PRKCSH: variants seen among roughly 807,000 people sequenced by gnomAD.
The protein encoded by PRKCSH is PRKCSH beta subunit of glucosidase II.
In PRKCSH, 42 loss-of-function variants were observed where a neutral mutation model predicts 79.7. The observed-to-expected ratio is 0.53, with a 90% CI of 0.41 to 0.68. The LOEUF is 0.68. Ranked by LOEUF, PRKCSH falls within the 30% of genes least tolerant of loss-of-function variation. The pLI is 0.00. For missense variants in PRKCSH, 686 were observed against 709.0 expected (o/e 0.97, Z 0.37); for synonymous variants, 325 against 288.2 (o/e 1.13, Z -1.29).
In PRKCSH at chr19:11,449,121, C is replaced by T. The variant is rs937936873; in HGVS notation, c.1407C>T (p.Ala469=). Reference sequence around the variant, plus strand: ...GCCCCGACCACGACAAGTTCAGTGCCATGAAGTATGAGCAAGGCACGGGCT... The same window carrying T: ...GCCCCGACCACGACAAGTTCAGTGCTATGAAGTATGAGCAAGGCACGGGCT... The part of the protein sequence containing the change: ...WIGPDHDKFS[A]MKYEQGTGCW... The change falls in exon 16 of 18, where the codon GCC becomes GCT. Residue 469 remains alanine (A), a synonymous_variant. Transcript: ENST00000677123. The surrounding 1 kb of genome is among the most constrained non-coding windows in gnomAD (Gnocchi z 6.4). 3 of 1,613,910 alleles carry T rather than the reference C, an allele frequency of 1.9e-6. No homozygotes were observed. The Admixed American group carries it at 5.0e-5, about 27-fold the overall frequency.
chr19:11,446,797 G>C (rs943383307), intron 9 of PRKCSH, among the ~76,000 whole-genome samples: 14 of 151,980 alleles, frequency 9.2e-5, no homozygotes, highest in African/African-American at 3.4e-4. Context: ...CTGGTCCTGG[G>C]CTCTCTCTTC....
rs1483068472 is a variant in PRKCSH at position 11,449,326 on chromosome 19, G to A, written c.1522G>A (p.Glu508Lys). 7.4e-6 allele frequency: 12 copies of A among 1,613,598 alleles called. No homozygotes were observed. The East Asian group carries it at 1.1e-4, about 15-fold the overall frequency. Residue 508 changes from glutamate to lysine, a missense_variant, in exon 17 of 18, where the codon GAG becomes AAG. Physicochemically the swap from Glu to Lys is moderately conservative, Grantham distance 56. Coordinates refer to ENST00000677123, the MANE Select transcript of PRKCSH (RefSeq NM_001289104.2). This position sits in a 1 kb window ranked among gnomAD's most constrained non-coding sequence, Gnocchi z 6.4. ...CAGCACCACAGAGCCCAGTCGCTGCGAGTACCTCATGGAGCTGATGACGCC... is the reference window on the plus strand; with the variant it reads ...CAGCACCACAGAGCCCAGTCGCTGCAAGTACCTCATGGAGCTGATGACGCC... ...VTSTTEPSRC[E>K]YLMELMTPAA...
Position 11,436,512 on chromosome 19 carries a change from C to G in PRKCSH, c.196+7C>G. The G allele has an allele frequency of 6.3e-7, 1 of 1,598,772 alleles. No homozygotes were observed. Among genetic ancestry groups the G allele is most frequent in the South Asian group, 1.1e-5 (1 of 90,400 alleles). On this transcript the variant is annotated splice_region_variant and intron_variant, in intron 3 of 17. Coordinates refer to ENST00000677123, the MANE Select transcript of PRKCSH (RefSeq NM_001289104.2). ...GATGGCTCTGACGAGCCAGGTGAGC[C>G]TTTTCTCTGTTCATCCATCAGATGT...
Position 11,448,789 on chromosome 19 carries a change from T to G in PRKCSH, c.1287-125T>G. ...GGGGAGCAGAAGCCAGGGGCCAGGTTTAGGGTTGGTCATTGGAGTTGGAGG... is the reference window on the plus strand; with the variant it reads ...GGGGAGCAGAAGCCAGGGGCCAGGTGTAGGGTTGGTCATTGGAGTTGGAGG... On this transcript the variant is annotated intron_variant, in intron 14 of 17. Transcript: ENST00000677123. This position sits in a 1 kb window ranked among gnomAD's most constrained non-coding sequence, Gnocchi z 4.4. 7.2e-7 allele frequency: 1 copy of G among 1,380,764 alleles called. No homozygotes were observed. Among genetic ancestry groups the G allele is most frequent in the Non-Finnish European group, 1.0e-6 (1 of 972,290 alleles). 85.5% of individuals were successfully genotyped at this position (1,380,764 alleles called of 1,614,324 possible).
At chr19:11,446,959 A>G (rs1197330982) in intron 9 of PRKCSH, 115 bp from the exon 10 acceptor site, 8 of 1,133,294 alleles carry the variant, frequency 7.1e-6, no homozygotes, top group Non-Finnish European at 1.1e-5. Context: ...TGGCCTGGTC[A>G]TCAGGGCCCG....
At position 11,440,360 on chromosome 19, in the gene PRKCSH, G is replaced by A. The variant is rs1327121704; in HGVS notation, c.351-880G>A. Among the ~76,000 whole-genome samples the A allele has an allele frequency of 3.3e-5, 5 of 151,900 alleles. No homozygotes were observed. In the East Asian group the frequency reaches 9.7e-4, roughly 29 times the overall value. On this transcript the variant is annotated intron_variant, in intron 5 of 17. Coordinates refer to ENST00000677123, the MANE Select transcript of PRKCSH (RefSeq NM_001289104.2). Reference sequence around the variant, plus strand: ...GTAGAGATGGGGTTTCACCGTGTTAGCCCGGATGGTCTCGATCTCCTGACC... The same window carrying A: ...GTAGAGATGGGGTTTCACCGTGTTAACCCGGATGGTCTCGATCTCCTGACC...
At chr19:11,443,050 G>T (rs1284502808) in intron 7 of PRKCSH, among the ~76,000 whole-genome samples, 1 of 151,918 alleles carries the variant, frequency 6.6e-6, no homozygotes, top group Non-Finnish European at 1.5e-5. Flanking sequence ...TATGACTTTA[G>T]CAGGACTTAG....
In PRKCSH at chr19:11,436,865, TG is replaced by T. The variant is rs531634932; in HGVS notation, c.196+361del. 142 of 344,568 alleles carry T rather than the reference TG, an allele frequency of 4.1e-4. 4 individuals are homozygous for T. The highest frequency in any genetic ancestry group is 3.3e-3 in the South Asian group (139 of 41,964). 21.3% of individuals were successfully genotyped at this position (344,568 alleles called of 1,614,324 possible). ...GGGAGACCCTGGCTTTTTGTTTTTG[TG>T]TGTTTTGAAGAGACAGGGTCTTGCT... On this transcript the variant is annotated intron_variant, in intron 3 of 17. Transcript: ENST00000677123.
At chr19:11,439,182 C>A (rs528129109) in intron 5 of PRKCSH, among the ~76,000 whole-genome samples, 1 of 152,152 alleles carries the variant, frequency 6.6e-6, no homozygotes, top group African/African-American at 2.4e-5. Context: ...GCTAAGCCGC[C>A]GCGCTTGGCC....
chr19:11,446,043 C>T (rs1243431106), intron 8 of PRKCSH, among the ~76,000 whole-genome samples: 2 of 150,898 alleles, frequency 1.3e-5, no homozygotes, highest in Non-Finnish European at 3.0e-5. Flanking sequence ...GGTCATCGGA[C>T]ATTTGGGGGT....
intron 9 of PRKCSH, among the ~76,000 whole-genome samples, chr19:11,446,712 C>G (rs958369644): frequency 2.0e-5 from 3 of 151,784 alleles, no homozygotes; most frequent in Non-Finnish European, 4.4e-5. Flanking sequence ...CCTCCCTTCT[C>G]TGCCCACCCC....
intron 3 of PRKCSH, among the ~76,000 whole-genome samples, chr19:11,437,604 C>T (rs565238223): frequency 2.0e-5 from 3 of 151,990 alleles, no homozygotes; most frequent in African/African-American, 4.8e-5. Flanking sequence ...CCACCCGCCT[C>T]GGCCTCCCAA....
At chr19:11,440,527 A>G (rs1599489690) in intron 5 of PRKCSH, among the ~76,000 whole-genome samples, 1 of 145,770 alleles carries the variant, frequency 6.9e-6, no homozygotes, top group Non-Finnish European at 1.5e-5. Flanking sequence ...GCTTACCCCA[A>G]CCTCCACATC....
intron 6 of PRKCSH, among the ~76,000 whole-genome samples, chr19:11,441,587 A>G (rs900222429): frequency 1.3e-5 from 2 of 152,166 alleles, no homozygotes; most frequent in African/African-American, 4.8e-5. Context: ...CTCGGGCATC[A>G]GACTAAAGCA....
chr19:11,438,167 CTT>C (rs1158004700), intron 5 of PRKCSH, 43 bp downstream of exon 5: 17 of 1,604,014 alleles, frequency 1.1e-5, no homozygotes, highest in Non-Finnish European at 1.5e-5. Flanking sequence ...CACCCCAAGA[CTT>C]TGCCTGGCTC....
At chr19:11,443,401 T>C (rs907500116) in intron 7 of PRKCSH, among the ~76,000 whole-genome samples, 1 of 151,908 alleles carries the variant, frequency 6.6e-6, no homozygotes, top group African/African-American at 2.4e-5. Flanking sequence ...AAAAATCAGC[T>C]GGACATGGTG....
chr19:11,439,129 A>G (rs1222506686), intron 5 of PRKCSH, among the ~76,000 whole-genome samples: 1 of 151,986 alleles, frequency 6.6e-6, no homozygotes, highest in Non-Finnish European at 1.5e-5. Context: ...CTGGCCTCGA[A>G]CGCCTGACCT....
intron 3 of PRKCSH, chr19:11,436,786 A>G (rs758516638): frequency 6.0e-5 from 26 of 432,354 alleles, no homozygotes; most frequent in Non-Finnish European, 1.0e-4. Context: ...GCAAACCCCT[A>G]GAAGTGGGAG....
In PRKCSH at chr19:11,448,112, G is replaced by T; in HGVS notation, c.1127-110G>T. The T allele has an allele frequency of 8.2e-7, 1 of 1,218,346 alleles. No homozygotes were observed. The highest frequency in any genetic ancestry group is 2.6e-5 in the East Asian group (1 of 39,202). 75.5% of individuals were successfully genotyped at this position (1,218,346 alleles called of 1,614,324 possible). On this transcript the variant is annotated intron_variant, in intron 12 of 17. Coordinates refer to ENST00000677123, the MANE Select transcript of PRKCSH (RefSeq NM_001289104.2). This position sits in a 1 kb window ranked among gnomAD's most constrained non-coding sequence, Gnocchi z 4.4. ...TCAAGGCTGTCGGGGTGAAGTCCTT[G>T]GCCAGAGCAAAATGAGGGTATGGGA...
Sources: allele counts gnomAD v4.1 joint callset (sites outside exome capture counted in the v4.1 genomes callset), GRCh38; gene constraint gnomAD v4.1.1; non-coding constraint Gnocchi (gnomAD v3.1); transcripts MANE v1.5; gene names NCBI Gene and HGNC (gene_info 2026-07-23, HGNC 2026-07-21).